Variants in NCOR1 observed in about 807,000 individuals in gnomAD.
NCOR1 encodes the protein protein phosphatase 1, regulatory subunit 109.
Under a neutral mutation model 288.1 loss-of-function variants are expected in NCOR1, and 63 were observed. The ratio of observed to expected loss-of-function variants is 0.22; its 90% CI spans 0.18 to 0.27. NCOR1 has a LOEUF of 0.27. Ranked by LOEUF, NCOR1 falls within the 10% of genes least tolerant of loss-of-function variation. The probability of loss-of-function intolerance (pLI) is 1.00; values close to 1 mark genes in which losing one functional copy is unlikely to be tolerated. For missense variants in NCOR1, 2,397 were observed against 3,019.2 expected (o/e 0.79, Z 4.83); for synonymous variants, 1,007 against 1,065.9 (o/e 0.94, Z 1.08).
At position 16,171,830 on chromosome 17, in the gene NCOR1, C is replaced by A. The variant is rs574066567; in HGVS notation, c.408G>T (p.Gly136=). The part of the protein sequence containing the change: ...VLPLVHPLPE[G]LRASADAKKD... ...TCTTAGCATCTGCAGAAGCCCTCAGCCCTTCTGGCAGCGGGTGCACTAAAG... is the reference window on the plus strand; with the variant it reads ...TCTTAGCATCTGCAGAAGCCCTCAGACCTTCTGGCAGCGGGTGCACTAAAG... The change falls in exon 4 of 46, where the codon GGG becomes GGT. Residue 136 remains glycine, a synonymous_variant. Transcript: ENST00000268712. The A allele has an allele frequency of 1.1e-5, 17 of 1,608,322 alleles. No homozygotes were observed. Among genetic ancestry groups the A allele is most frequent in the South Asian group, 1.0e-4 (9 of 90,124 alleles).
chr17:16,151,990 A>G lies in NCOR1; in HGVS notation c.798T>C (p.Tyr266=), dbSNP rs1463314279. 6.3e-7 allele frequency: 1 copy of G among 1,590,174 alleles called. No homozygotes were observed. The highest frequency in any genetic ancestry group is 1.8e-5 in the Admixed American group (1 of 55,014). Residue 266 remains tyrosine, a synonymous_variant, in exon 8 of 46, where the codon TAT becomes TAC. Coordinates refer to ENST00000268712, the MANE Select transcript of NCOR1 (RefSeq NM_006311.4). ...ACACCTTGGTATCTGATGGCTGGTT[A>G]TACAGTGGCTATAAAAGAAATCAAA... ...GLGPKVELPL[Y]NQPSDTKVYH...
rs778415911 is a variant in NCOR1, at chr17:16,143,709, G to A, written c.1083-13C>T. The A allele has an allele frequency of 6.3e-7, 1 of 1,591,256 alleles. No individual in the cohort carries two copies. Among genetic ancestry groups the A allele is most frequent in the Non-Finnish European group, 8.6e-7 (1 of 1,163,460 alleles). On this transcript the variant is annotated splice_polypyrimidine_tract_variant and intron_variant, in intron 10 of 45. Transcript: ENST00000268712. ...CCTCTGCCCAACTCTAAACATGAGGGAGAAATTAAAAATATATTTAAAGAC... is the reference window on the plus strand; with the variant it reads ...CCTCTGCCCAACTCTAAACATGAGGAAGAAATTAAAAATATATTTAAAGAC...
At chr17:16,081,151 A>C (rs2063327575) in intron 23 of NCOR1, among the ~76,000 whole-genome samples, 1 of 151,578 alleles carries the variant, frequency 6.6e-6, no homozygotes, top group African/African-American at 2.4e-5. Context: ...AAAACCTGGA[A>C]AAATTTTAAG....
Position 16,196,573 on chromosome 17 carries a change from C to A in NCOR1, c.-70-1934G>T, listed in dbSNP as rs182969923. Among the ~76,000 whole-genome samples the A allele has an allele frequency of 3.9e-3, 593 of 151,836 alleles. 2 individuals carry two copies. The highest frequency in any genetic ancestry group is 6.2e-3 in the Non-Finnish European group (424 of 67,978). On this transcript the variant is annotated intron_variant, in intron 1 of 45. Transcript: ENST00000268712. ...GGGCGTGGTGGCTCATGCCTGTAGT[C>A]CCAGCACTTTGGGAGGCCAAGGCGG...
chr17:16,105,616 G>A (rs1489790165), intron 19 of NCOR1, among the ~76,000 whole-genome samples: 2 of 152,166 alleles, frequency 1.3e-5, no homozygotes, highest in East Asian at 1.9e-4. Flanking sequence ...ACATGAGTTT[G>A]CTTTGGCTGT....
intron 3 of NCOR1, among the ~76,000 whole-genome samples, chr17:16,183,961 G>T (rs1191040007): frequency 2.0e-5 from 3 of 152,088 alleles, no homozygotes; most frequent in African/African-American, 7.2e-5. Flanking sequence ...TTTGACAAGG[G>T]AACCACAGCA....
chr17:16,192,197 G>C (rs1202855502), intron 2 of NCOR1: 1 of 149,992 alleles, frequency 6.7e-6, no homozygotes, highest in African/African-American at 2.4e-5. Flanking sequence ...GAAAATCAAT[G>C]ATAAAGAGAA....
At chr17:16,186,432 A>G in intron 3 of NCOR1, 122 bp downstream of exon 3, 1 of 1,058,838 alleles carries the variant, frequency 9.4e-7, no homozygotes, top group Non-Finnish European at 1.3e-6. Context: ...AAGAACTCAA[A>G]ATGCAAACTA....
At position 16,108,874 on chromosome 17, in the gene NCOR1, T is replaced by C. The variant is rs371282273; in HGVS notation, c.2094A>G (p.Gln698=). Residue 698 remains glutamine, a synonymous_variant, in exon 19 of 46, where the codon CAA becomes CAG. Coordinates refer to ENST00000268712, the MANE Select transcript of NCOR1 (RefSeq NM_006311.4). ...AAACAGTGGAAGCGACACTTTCACA[T>C]TGAGACACATCTCGCTCTTCACGAG... is the stretch of plus-strand genomic sequence containing the variant. ...RKPREERDVS[Q]CESVASTVSA... is the part of the protein sequence containing the mutation. The C allele has an allele frequency of 9.8e-5, 158 of 1,607,038 alleles. No homozygotes were observed. The highest frequency in any genetic ancestry group is 1.6e-4 in the Middle Eastern group (1 of 6,062).
At chr17:16,086,149 T>G in intron 23 of NCOR1, 133 bp downstream of exon 23, 1 of 1,033,290 alleles carries the variant, frequency 9.7e-7, no homozygotes, top group Non-Finnish European at 1.4e-6. Context: ...CTTCTGGTCA[T>G]TATCTCTTGA....
intron 18 of NCOR1, among the ~76,000 whole-genome samples, chr17:16,117,073 A>G (rs772684026): frequency 3.9e-5 from 6 of 152,198 alleles, no homozygotes; most frequent in Non-Finnish European, 8.8e-5. Context: ...CAACCACTAC[A>G]CTGGAACTTA....
At chr17:16,152,062 A>C in intron 7 of NCOR1, 64 bp from the exon 8 acceptor site, 2 of 1,145,266 alleles carry the variant, frequency 1.7e-6, no homozygotes, top group South Asian at 1.5e-5. Flanking sequence ...GAGACAAAGA[A>C]ACATAATTTT....
intron 37 of NCOR1, among the ~76,000 whole-genome samples, chr17:16,060,653 A>C (rs1208852184): frequency 1.3e-5 from 2 of 152,208 alleles, no homozygotes; most frequent in African/African-American, 4.8e-5. Flanking sequence ...TGCATTCTGG[A>C]GCATGAGAAA....
rs778536669 is a variant in NCOR1 at position 16,029,398 on chromosome 17, A to C, written c.*2898T>G. The C allele has an allele frequency of 6.0e-6, 2 of 331,436 alleles. No homozygotes were observed. Among genetic ancestry groups the C allele is most frequent in the Non-Finnish European group, 1.2e-5 (2 of 169,118 alleles). 20.5% of individuals were successfully genotyped at this position (331,436 alleles called of 1,614,324 possible). A position where few individuals can be genotyped will look rare whatever the true frequency, so the allele number is the denominator to read the frequency against. ...TAAAATCGTGTCATTAAAATTTTTT[A>C]ACTGTCCAATGGTCACTGGAGTTTT... On this transcript the variant is annotated 3_prime_UTR_variant, in exon 46 of 46. Transcript: ENST00000268712.
At chr17:16,159,079 T>C (rs1001450300) in intron 5 of NCOR1, among the ~76,000 whole-genome samples, 6 of 92,778 alleles carry the variant, frequency 6.5e-5, no homozygotes, top group African/African-American at 4.2e-4. Context: ...TTTCATTAGA[T>C]AGAGTTTAAA....
intron 6 of NCOR1, 95 bp from the exon 7 acceptor site, chr17:16,153,490 T>G: frequency 1.4e-6 from 1 of 733,128 alleles, no homozygotes; most frequent in Non-Finnish European, 2.2e-6. Context: ...GACTAATCTA[T>G]AGATGAACTT....
intron 21 of NCOR1, among the ~76,000 whole-genome samples, chr17:16,092,677 ATATATATATATATATATAT>A (rs1475469322): frequency 1.1e-4 from 2 of 17,744 alleles, no homozygotes; most frequent in African/African-American, 6.1e-4. Context: ...ATATATATAT[ATATATATATATATATATAT>A]TTTTTTTTTT....
chr17:16,192,312 G>A lies in NCOR1; in HGVS notation c.108+2150C>T, dbSNP rs182255662. Among the ~76,000 whole-genome samples, 47 of 150,916 alleles carry A rather than the reference G, an allele frequency of 3.1e-4. 1 individual carries two copies. Among genetic ancestry groups the A allele is most frequent in the Middle Eastern group, 3.6e-3 (1 of 276 alleles). Reference sequence around the variant, plus strand: ...GCAGATCACTTGAGGCCAGGAGTTCGAGACCAGCCTGGCCAACATAGCGAA... The same window carrying A: ...GCAGATCACTTGAGGCCAGGAGTTCAAGACCAGCCTGGCCAACATAGCGAA... On this transcript the variant is annotated intron_variant, in intron 2 of 45. Transcript: ENST00000268712.
At chr17:16,128,737 CCTT>C (rs2075143040) in intron 14 of NCOR1, among the ~76,000 whole-genome samples, 1 of 152,028 alleles carries the variant, frequency 6.6e-6, no homozygotes, top group Non-Finnish European at 1.5e-5. Flanking sequence ...GAAAAATTTC[CCTT>C]CTTAATAGCG....
Sources: allele counts gnomAD v4.1 joint callset (sites outside exome capture counted in the v4.1 genomes callset), GRCh38; gene constraint gnomAD v4.1.1; transcripts MANE v1.5; gene names NCBI Gene and HGNC (gene_info 2026-07-23, HGNC 2026-07-21).